The following ATXN7L1 variants were observed in gnomAD, a reference collection of about 807,000 sequenced individuals.
The protein encoded by ATXN7L1 is ataxin 7 like 1.
ATXN7L1 carries 15 observed loss-of-function variants against 70.8 expected under a neutral mutation model. That is an observed-to-expected ratio of 0.21 (90% CI 0.14 to 0.33). The LOEUF (loss-of-function observed/expected upper bound fraction) is 0.33. ATXN7L1 is among the 10% of genes least tolerant of loss of function. The pLI is 1.00. For missense variants in ATXN7L1, 975 were observed against 1,097.1 expected (o/e 0.89, Z 1.57); for synonymous variants, 440 against 445.1 (o/e 0.99, Z 0.14).
At chr7:105,855,089 G>A (rs1815520498) in intron 2 of ATXN7L1, among the ~76,000 whole-genome samples, 1 of 151,992 alleles carries the variant, frequency 6.6e-6, no homozygotes, top group South Asian at 2.1e-4. Flanking sequence ...CAAGTAGCTG[G>A]AACTACAGGT....
chr7:105,609,849 G>A (rs1357236653), intron 11 of ATXN7L1, among the ~76,000 whole-genome samples: 1 of 151,966 alleles, frequency 6.6e-6, no homozygotes, highest in African/African-American at 2.4e-5. Context: ...TCAGCTCACT[G>A]CAACCTCCAC....
chr7:105,783,410 G>C (rs1325329475), intron 3 of ATXN7L1, among the ~76,000 whole-genome samples: 1 of 152,146 alleles, frequency 6.6e-6, no homozygotes. Context: ...AGACCCTTGG[G>C]ATCTCTGGAG....
rs367835640 is a variant in ATXN7L1, at chr7:105,860,223, G to A, written c.250+15589C>T. Among the ~76,000 whole-genome samples the A allele has an allele frequency of 1.3e-3, 187 of 146,330 alleles. 2 individuals are homozygous for A. Among genetic ancestry groups the A allele is most frequent in the African/African-American group, 4.4e-3 (175 of 39,564 alleles). On this transcript the variant is annotated intron_variant, in intron 2 of 11. Coordinates refer to ENST00000419735, the MANE Select transcript of ATXN7L1 (RefSeq NM_020725.2). ...TAATTCTATAGGTGATCATGGTACC[G>A]TTATTTCAACCTTTTTATACATGTG...
chr7:105,747,345 G>A (rs1301895530), intron 3 of ATXN7L1, among the ~76,000 whole-genome samples: 2 of 152,114 alleles, frequency 1.3e-5, no homozygotes, highest in Non-Finnish European at 2.9e-5. Flanking sequence ...GAGAACTTCT[G>A]GATAGCTGAA....
chr7:105,683,762 C>T (rs1023770861), intron 3 of ATXN7L1, among the ~76,000 whole-genome samples: 1 of 152,154 alleles, frequency 6.6e-6, no homozygotes, highest in Non-Finnish European at 1.5e-5. Flanking sequence ...CACATGCACA[C>T]ACACGAACAC....
intron 3 of ATXN7L1, among the ~76,000 whole-genome samples, chr7:105,701,801 C>G (rs1792492101): frequency 6.6e-6 from 1 of 152,196 alleles, no homozygotes; most frequent in South Asian, 2.1e-4. Flanking sequence ...AACTCCTGGG[C>G]TCAAGTGATC....
Position 105,607,843 on chromosome 7 carries a change from A to G in ATXN7L1, c.*9T>C. ...CTGGAATTGATGTGGAAGTGGCTTC[A>G]TAGTCTTGTTATGGAAGAGTCCTTA... On this transcript the variant is annotated 3_prime_UTR_variant, in exon 12 of 12. Transcript: ENST00000419735. 2 of 1,551,514 alleles carry G rather than the reference A, an allele frequency of 1.3e-6. No homozygotes were observed. The highest frequency in any genetic ancestry group is 1.4e-5 in the African/African-American group (1 of 73,156).
chr7:105,687,926 A>C (rs1289170300), intron 3 of ATXN7L1, among the ~76,000 whole-genome samples: 1 of 152,186 alleles, frequency 6.6e-6, no homozygotes, highest in Non-Finnish European at 1.5e-5. Flanking sequence ...TTAGTCATAC[A>C]AAGAAAAGAG....
chr7:105,666,975 G>A (rs1176880029), intron 3 of ATXN7L1, among the ~76,000 whole-genome samples: 1 of 152,128 alleles, frequency 6.6e-6, no homozygotes, highest in Non-Finnish European at 1.5e-5. Flanking sequence ...AGATGGCTTC[G>A]AAGCCTCCTT....
At chr7:105,610,491 T>C in intron 11 of ATXN7L1, 38 bp downstream of exon 11, 5 of 1,482,246 alleles carry the variant, frequency 3.4e-6, no homozygotes, top group Non-Finnish European at 3.7e-6. Context: ...CTGATGACCA[T>C]ATGAATTTTT....
chr7:105,841,705 T>G (rs1445271597), intron 2 of ATXN7L1, among the ~76,000 whole-genome samples: 1 of 152,212 alleles, frequency 6.6e-6, no homozygotes, highest in Admixed American at 6.5e-5. Flanking sequence ...TGCTGGCATA[T>G]TGTTATAATT....
intron 2 of ATXN7L1, among the ~76,000 whole-genome samples, chr7:105,833,136 C>T (rs774238678): frequency 6.6e-6 from 1 of 152,168 alleles, no homozygotes; most frequent in Non-Finnish European, 1.5e-5. Flanking sequence ...CCCCTCTGAC[C>T]TCCCACCCTA....
chr7:105,664,995 T>C, intron 4 of ATXN7L1, 71 bp downstream of exon 4: 1 of 1,415,540 alleles, frequency 7.1e-7, no homozygotes. Flanking sequence ...AGAGAGTAAA[T>C]ACTATTTCCC....
At chr7:105,733,713 CCCAT>C (rs1446040714) in intron 3 of ATXN7L1, among the ~76,000 whole-genome samples, 11 of 118,756 alleles carry the variant, frequency 9.3e-5, no homozygotes, top group Admixed American at 1.7e-4. Context: ...CATCCATCCA[CCCAT>C]CCATCCATCC....
At chr7:105,688,095 T>G (rs528105674) in intron 3 of ATXN7L1, among the ~76,000 whole-genome samples, 2 of 152,286 alleles carry the variant, frequency 1.3e-5, no homozygotes, top group South Asian at 4.2e-4. Flanking sequence ...ATAGCCTTGT[T>G]GTTGCCGGCT....
At chr7:105,858,658 A>G (rs941768094) in intron 2 of ATXN7L1, among the ~76,000 whole-genome samples, 2 of 152,184 alleles carry the variant, frequency 1.3e-5, no homozygotes, top group African/African-American at 2.4e-5. Context: ...GGGCACCCTG[A>G]TATCTTGTAA....
At chr7:105,801,509 G>A (rs937136387) in intron 2 of ATXN7L1, among the ~76,000 whole-genome samples, 1 of 152,192 alleles carries the variant, frequency 6.6e-6, no homozygotes, top group East Asian at 1.9e-4. Context: ...CTACTAAAGT[G>A]GAGACACCCG....
intron 3 of ATXN7L1, among the ~76,000 whole-genome samples, chr7:105,753,315 G>A (rs1379505044): frequency 6.6e-6 from 1 of 152,194 alleles, no homozygotes; most frequent in Non-Finnish European, 1.5e-5. Context: ...CTCAACATCA[G>A]CCCTACCTCC....
At chr7:105,698,766 A>G (rs1792064600) in intron 3 of ATXN7L1, among the ~76,000 whole-genome samples, 1 of 152,200 alleles carries the variant, frequency 6.6e-6, no homozygotes. Flanking sequence ...ATGTGGGTTG[A>G]CTGGAATCCA....
Sources: gnomAD v4.1 joint callset for allele counts (sites outside exome capture counted in the v4.1 genomes callset) on GRCh38, gnomAD v4.1.1 for gene constraint, MANE v1.5 for transcripts, NCBI Gene and HGNC (gene_info 2026-07-23, HGNC 2026-07-21) for gene names.